HECTD4: variants seen among roughly 807,000 people sequenced by gnomAD.
HECTD4 encodes probable E3 ubiquitin-protein ligase HECTD4.
Under a neutral mutation model 471.5 loss-of-function variants are expected in HECTD4, and 114 were observed. That is an observed-to-expected ratio of 0.24 (90% CI 0.21 to 0.28). The LOEUF is 0.28. Ranked by LOEUF, HECTD4 falls within the 10% of genes least tolerant of loss-of-function variation. The pLI, the probability that HECTD4 is intolerant of heterozygous loss-of-function variation, is 1.00. For missense variants in HECTD4, 3,866 were observed against 5,651.5 expected, an observed-to-expected ratio of 0.68 and a Z score of 10.13; for synonymous variants, 2,012 against 2,256.0, an observed-to-expected ratio of 0.89 and a Z score of 3.07.
chr12:112,337,010 T>C (rs563501636), intron 1 of HECTD4, among the ~76,000 whole-genome samples: 1 of 152,176 alleles, frequency 6.6e-6, no homozygotes, highest in African/African-American at 2.4e-5. Context: ...ACACAAGAAT[T>C]TTTTCTTCCA....
At chr12:112,294,045 A>T (rs59774381) in intron 7 of HECTD4, among the ~76,000 whole-genome samples, 1 of 152,040 alleles carries the variant, frequency 6.6e-6, no homozygotes, top group Non-Finnish European at 1.5e-5. Flanking sequence ...GACTACAGTC[A>T]TGCACCACCA....
intron 7 of HECTD4, chr12:112,301,797 GCTGT>G: frequency 1.9e-6 from 1 of 524,920 alleles, no homozygotes; most frequent in South Asian, 2.1e-5. Context: ...TCTTCAGCTA[GCTGT>G]TTTTTTTTTT....
Position 112,207,915 on chromosome 12 carries a change from C to A in HECTD4, c.8090G>T (p.Arg2697Leu). 1 of 1,613,966 alleles carries A rather than the reference C, an allele frequency of 6.2e-7. No individual in the cohort carries two copies. The highest frequency in any genetic ancestry group is 8.5e-7 in the Non-Finnish European group (1 of 1,179,858). Residue 2697 changes from arginine (R) to leucine (L), a missense_variant, in exon 52 of 76, where the codon CGG becomes CTG. Coordinates refer to ENST00000682272, the MANE Select transcript of HECTD4 (RefSeq NM_001388303.1). ...IRRRFRNEAE[R>L]KSGLDQIKGA... ...CTTTATCTGGTCCAGGCCCGATTTC[C>A]GCTCTGCTTCATTGCGGAAGCGTCT...
At chr12:112,273,353 C>T (rs912250962) in intron 11 of HECTD4, among the ~76,000 whole-genome samples, 4 of 152,056 alleles carry the variant, frequency 2.6e-5, no homozygotes, top group African/African-American at 9.7e-5. Flanking sequence ...AATCCCATGC[C>T]AAATACAAAT....
At chr12:112,234,297 A>T (rs2033450512) in intron 37 of HECTD4, among the ~76,000 whole-genome samples, 1 of 152,202 alleles carries the variant, frequency 6.6e-6, no homozygotes, top group African/African-American at 2.4e-5. Flanking sequence ...GATGCATTGC[A>T]ATGTCCAGGA....
intron 1 of HECTD4, among the ~76,000 whole-genome samples, chr12:112,367,776 T>C (rs1340376672): frequency 7.2e-6 from 1 of 139,050 alleles, no homozygotes; most frequent in Non-Finnish European, 1.5e-5. Flanking sequence ...AGCCAAGATC[T>C]TGCCATTGCA....
intron 29 of HECTD4, among the ~76,000 whole-genome samples, chr12:112,245,854 G>T (rs183637531): frequency 3.9e-5 from 6 of 152,266 alleles, no homozygotes; most frequent in Admixed American, 3.9e-4. Flanking sequence ...GACCTAGGCC[G>T]GGCGTGGTGG....
chr12:112,309,839 T>C (rs2035338315), intron 4 of HECTD4, among the ~76,000 whole-genome samples, 170 bp from the exon 5 acceptor site: 1 of 152,132 alleles, frequency 6.6e-6, no homozygotes, highest in South Asian at 2.1e-4. Context: ...AGCCCCCAAA[T>C]CAAACATCCA....
intron 35 of HECTD4, among the ~76,000 whole-genome samples, chr12:112,236,677 A>G (rs1242484106): frequency 6.6e-6 from 1 of 152,206 alleles, no homozygotes; most frequent in Non-Finnish European, 1.5e-5. Context: ...ATCTATGGGA[A>G]AGGTTAGCAG....
In HECTD4 at chr12:112,213,657, G is replaced by C. The variant is rs2032829353; in HGVS notation, c.7466-1007C>G. Among the ~76,000 whole-genome samples, 1 of 150,556 alleles carries C rather than the reference G, an allele frequency of 6.6e-6. No homozygotes were observed. Among genetic ancestry groups the C allele is most frequent in the African/African-American group, 2.4e-5 (1 of 40,990 alleles). On this transcript the variant is annotated intron_variant, in intron 48 of 75. Transcript: ENST00000682272. The surrounding 1 kb of genome is among the most constrained non-coding windows in gnomAD (Gnocchi z 4.0). ...GCCAAGATTGTGCCACTGCACTTCA[G>C]CCTGGGCGACAGAGCAAGACTCCGT...
Position 112,235,867 on chromosome 12 carries a change from C to G in HECTD4, c.5445-83G>C, listed in dbSNP as rs1169271069. Reference sequence around the variant, plus strand: ...AGAAGCAAGAGTTCTCTGAATGAAACAAACCAATGAAATCTGATTTCACGA... The same window carrying G: ...AGAAGCAAGAGTTCTCTGAATGAAAGAAACCAATGAAATCTGATTTCACGA... On this transcript the variant is annotated intron_variant, in intron 35 of 75. Coordinates refer to ENST00000682272, the MANE Select transcript of HECTD4 (RefSeq NM_001388303.1). The surrounding 1 kb of genome is among the most constrained non-coding windows in gnomAD (Gnocchi z 5.0). The G allele has an allele frequency of 4.2e-6, 5 of 1,184,928 alleles. No homozygotes were observed. The East Asian group carries it at 1.3e-4, about 30-fold the overall frequency. The allele number at this position is 1,184,928 out of a possible 1,614,324, so 73.4% of individuals were successfully genotyped here. A position where few individuals can be genotyped will look rare whatever the true frequency, so the allele number is the denominator to read the frequency against.
intron 9 of HECTD4, among the ~76,000 whole-genome samples, chr12:112,277,515 T>C (rs1264109853): frequency 6.6e-6 from 1 of 152,188 alleles, no homozygotes; most frequent in Non-Finnish European, 1.5e-5. Context: ...TGTCTGAGCC[T>C]CAGTGACCAC....
Position 112,184,098 on chromosome 12 carries a change from A to C in HECTD4, c.10779+89T>G. Reference sequence around the variant, plus strand: ...GCCCCCAACCGCTCCACCATTACCTACTAGGAAATAACTTTGGAAGATTTA... The same window carrying C: ...GCCCCCAACCGCTCCACCATTACCTCCTAGGAAATAACTTTGGAAGATTTA... On this transcript the variant is annotated intron_variant, in intron 61 of 75. Coordinates refer to ENST00000682272, the MANE Select transcript of HECTD4 (RefSeq NM_001388303.1). This position sits in a 1 kb window ranked among gnomAD's most constrained non-coding sequence, Gnocchi z 9.1. 1.6e-6 allele frequency: 2 copies of C among 1,285,394 alleles called. No homozygotes were observed. The highest frequency in any genetic ancestry group is 1.1e-6 in the Non-Finnish European group (1 of 921,396). The allele number at this position is 1,285,394 out of a possible 1,614,324, so 79.6% of individuals were successfully genotyped here. A position where few individuals can be genotyped will look rare whatever the true frequency, so the allele number is the denominator to read the frequency against.
rs745552093 is a variant in HECTD4 at position 112,235,526 on chromosome 12, C to T, written c.5703G>A (p.Lys1901=). 4.7e-5 allele frequency: 75 copies of T among 1,611,914 alleles called. No individual in the cohort carries two copies. The highest frequency in any genetic ancestry group is 3.2e-5 in the Non-Finnish European group (38 of 1,178,792). ...CACCTGGAACCACATAATCTGCCAG[C>T]TTTGCTAAGAGCAGGGAGGCGATCT... ...ASKIASLLLA[K]LADYVVPGCQ... is the part of the protein sequence containing the mutation. Residue 1901 remains lysine (K), a synonymous_variant, in exon 36 of 76, where the codon AAG becomes AAA. Coordinates refer to ENST00000682272, the MANE Select transcript of HECTD4 (RefSeq NM_001388303.1). This position sits in a 1 kb window ranked among gnomAD's most constrained non-coding sequence, Gnocchi z 5.0.
chr12:112,167,551 G>A lies in HECTD4; in HGVS notation c.12313-13C>T, dbSNP rs1050302487. 2 of 1,561,210 alleles carry A rather than the reference G, an allele frequency of 1.3e-6. No homozygotes were observed. The highest frequency in any genetic ancestry group is 1.7e-6 in the Non-Finnish European group (2 of 1,149,964). On this transcript the variant is annotated splice_polypyrimidine_tract_variant and intron_variant, in intron 71 of 75. Transcript: ENST00000682272. Reference sequence around the variant, plus strand: ...GGATATACTTGCCCTGGAAGTGGAGGTGGGCATGAGGTGACCTGGGCGTGG... The same window carrying A: ...GGATATACTTGCCCTGGAAGTGGAGATGGGCATGAGGTGACCTGGGCGTGG...
At chr12:112,316,434 T>C (rs1453937714) in intron 2 of HECTD4, among the ~76,000 whole-genome samples, 1 of 152,186 alleles carries the variant, frequency 6.6e-6, no homozygotes, top group Non-Finnish European at 1.5e-5. Flanking sequence ...TGTTGCTCAC[T>C]GTCTGCCTCC....
At chr12:112,175,382 G>GGA (rs1163812754) in intron 66 of HECTD4, among the ~76,000 whole-genome samples, 1 of 152,192 alleles carries the variant, frequency 6.6e-6, no homozygotes, top group Non-Finnish European at 1.5e-5. Flanking sequence ...TGGGAGCCAA[G>GGA]GAGAGCAGCC....
Position 112,382,346 on chromosome 12 carries a change from G to GCCA in HECTD4, c.-219_-218insTGG. On this transcript the variant is annotated 5_prime_UTR_variant, in exon 1 of 76. Coordinates refer to ENST00000682272, the MANE Select transcript of HECTD4 (RefSeq NM_001388303.1). Reference sequence around the variant, plus strand: ...CGGCCCTGCCGCCGCCGCCGCCGCCGCCGCCGCCGCCGCCCTCAGGAGCAG... The same window carrying GCCA: ...CGGCCCTGCCGCCGCCGCCGCCGCCGCCACCGCCGCCGCCGCCCTCAGGAGCAG... The GCCA allele has an allele frequency of 2.5e-6, 1 of 404,212 alleles. No homozygotes were observed. The highest frequency in any genetic ancestry group is 4.2e-6 in the Non-Finnish European group (1 of 237,356). The allele number at this position is 404,212 out of a possible 1,614,324, so 25.0% of individuals were successfully genotyped here. A position where few individuals can be genotyped will look rare whatever the true frequency, so the allele number is the denominator to read the frequency against.
Position 112,179,373 on chromosome 12 carries a change from C to G in HECTD4, c.11012G>C (p.Arg3671Thr). The G allele has an allele frequency of 6.2e-7, 1 of 1,612,244 alleles. No individual in the cohort carries two copies. Among genetic ancestry groups the G allele is most frequent in the Non-Finnish European group, 8.5e-7 (1 of 1,179,238 alleles). ...IKGEKLVPGA[R>T]EVLTEIFKSC... ...CTTAAATATCTCCGTCAGAACCTCTCTGGCTCCGGGCACCAGCTTCTCCCC... is the reference window on the plus strand; with the variant it reads ...CTTAAATATCTCCGTCAGAACCTCTGTGGCTCCGGGCACCAGCTTCTCCCC... Residue 3671 changes from arginine to threonine, a missense_variant, in exon 63 of 76, where the codon AGA becomes ACA. By Grantham distance (71) the Arg-to-Thr change is moderately conservative. Coordinates refer to ENST00000682272, the MANE Select transcript of HECTD4 (RefSeq NM_001388303.1). The surrounding 1 kb of genome is among the most constrained non-coding windows in gnomAD (Gnocchi z 4.3).
Sources: allele counts gnomAD v4.1 joint callset (sites outside exome capture counted in the v4.1 genomes callset), GRCh38; gene constraint gnomAD v4.1.1; non-coding constraint Gnocchi (gnomAD v3.1); transcripts MANE v1.5; gene names NCBI Gene and HGNC (gene_info 2026-07-23, HGNC 2026-07-21).